The following BCL2 variants were observed in gnomAD, a reference collection of about 807,000 sequenced individuals.
The protein encoded by BCL2 is BCL2 apoptosis regulator.
Under a neutral mutation model 14.2 loss-of-function variants are expected in BCL2, and 1 was observed. The ratio of observed to expected loss-of-function variants is 0.07; its 90% confidence interval spans 0.02 to 0.33. The LOEUF (loss-of-function observed/expected upper bound fraction) is 0.33. Among genes scored for constraint, BCL2 ranks in the 10% least tolerant of loss-of-function variants. The pLI is 0.99. For missense variants in BCL2, 247 were observed against 305.9 expected, an observed-to-expected ratio of 0.81 and a Z score of 1.44; for synonymous variants, 151 against 137.2, an observed-to-expected ratio of 1.10 and a Z score of -0.70.
intron 2 of BCL2, among the ~76,000 whole-genome samples, chr18:63,237,890 G>A (rs568275967): frequency 1.3e-5 from 2 of 151,904 alleles, no homozygotes; most frequent in Non-Finnish European, 2.9e-5. Flanking sequence ...AAGAACCCTT[G>A]GCCGCATTTC....
intron 2 of BCL2, among the ~76,000 whole-genome samples, chr18:63,183,059 A>T (rs1199851752): frequency 6.6e-6 from 1 of 152,212 alleles, no homozygotes; most frequent in Non-Finnish European, 1.5e-5. Flanking sequence ...AAATGAGCAG[A>T]TGCATGTCAC....
chr18:63,319,080 G>A (rs1216089295), intron 1 of BCL2, 94 bp downstream of exon 1: 3 of 1,070,042 alleles, frequency 2.8e-6, no homozygotes, highest in Non-Finnish European at 3.4e-6. Flanking sequence ...AAGCTGCCTG[G>A]AAATTAAATT....
chr18:63,168,053 G>A (rs1481968675), intron 2 of BCL2, among the ~76,000 whole-genome samples: 2 of 151,856 alleles, frequency 1.3e-5, no homozygotes, highest in African/African-American at 4.8e-5. Context: ...AGAGAGTGGG[G>A]CCCTTTCTCT....
rs74169950 is a variant in BCL2, at chr18:63,274,277, C to CTTTTTTTTT, written c.585+43796_585+43804dup. Among the ~76,000 whole-genome samples the CTTTTTTTTT allele has an allele frequency of 3.6e-3, 308 of 86,746 alleles. 19 individuals carry two copies. The highest frequency in any genetic ancestry group is 0.012 in the African/African-American group (279 of 22,976). 56.9% of individuals were successfully genotyped at this position (86,746 alleles called of 152,430 possible). ...GGAGTCAAGCTTTTATAAAGATACT[C>CTTTTTTTTT]TTTTTTTTTTTTTTTTTTTTTTTGA... On this transcript the variant is annotated intron_variant, in intron 2 of 2. Transcript: ENST00000333681.
intron 2 of BCL2, among the ~76,000 whole-genome samples, chr18:63,299,939 G>T (rs1342569899): frequency 6.6e-6 from 1 of 151,644 alleles, no homozygotes; most frequent in Non-Finnish European, 1.5e-5. Context: ...CTGTTTGTGT[G>T]TCTGTTTCCC....
At chr18:63,159,290 G>T (rs1294153270) in intron 2 of BCL2, among the ~76,000 whole-genome samples, 1 of 152,144 alleles carries the variant, frequency 6.6e-6, no homozygotes, top group African/African-American at 2.4e-5. Context: ...CTTGAAAAGG[G>T]GGAAAAAGAG....
At position 63,318,843 on chromosome 18, in the gene BCL2, T is replaced by C; in HGVS notation, c.-177A>G. The C allele has an allele frequency of 7.1e-7, 1 of 1,403,902 alleles. No individual in the cohort carries two copies. Among genetic ancestry groups the C allele is most frequent in the Non-Finnish European group, 9.3e-7 (1 of 1,077,656 alleles). The allele number at this position is 1,403,902 out of a possible 1,614,324, so 87.0% of individuals were successfully genotyped here. A position where few individuals can be genotyped will look rare whatever the true frequency, so the allele number is the denominator to read the frequency against. ...AACACTTGATTCTGGTGTTTCCCCC[T>C]TGGCATGAGATGCAGGAAATTTTTA... is the stretch of plus-strand genomic sequence containing the variant. On this transcript the variant is annotated 5_prime_UTR_variant, in exon 2 of 3. Transcript: ENST00000333681. The surrounding 1 kb of genome is among the most constrained non-coding windows in gnomAD (Gnocchi z 7.4).
chr18:63,315,379 G>A (rs1199238497), intron 2 of BCL2: 2 of 152,102 alleles, frequency 1.3e-5, no homozygotes, highest in Admixed American at 6.5e-5. Flanking sequence ...TATTTAATTT[G>A]TAGTCTTCTG....
In BCL2 at chr18:63,126,511, C is replaced by T. The variant is rs1461717176; in HGVS notation, c.*2114G>A. ...TACCATGAATTAAATGCGGAATTGC[C>T]CAGGGACGAGGAAACCTTCAAGAAA... On this transcript the variant is annotated 3_prime_UTR_variant, in exon 3 of 3. Transcript: ENST00000333681. 4.4e-6 allele frequency: 1 copy of T among 228,582 alleles called. No homozygotes were observed. The highest frequency in any genetic ancestry group is 5.7e-5 in the Admixed American group (1 of 17,580). 14.2% of individuals were successfully genotyped at this position (228,582 alleles called of 1,614,324 possible).
At chr18:63,128,848 C>A in intron 2 of BCL2, 89 bp from the exon 3 acceptor site, 1 of 657,538 alleles carries the variant, frequency 1.5e-6, no homozygotes, top group South Asian at 1.8e-5. Flanking sequence ...GGCATCCTGC[C>A]AGGGCAGCCT....
At chr18:63,167,779 A>C (rs1215567388) in intron 2 of BCL2, among the ~76,000 whole-genome samples, 1 of 152,092 alleles carries the variant, frequency 6.6e-6, no homozygotes. Flanking sequence ...TACAAAAATT[A>C]GCTGGGTGTG....
chr18:63,181,546 A>C (rs1915482032), intron 2 of BCL2, among the ~76,000 whole-genome samples: 1 of 152,224 alleles, frequency 6.6e-6, no homozygotes, highest in African/African-American at 2.4e-5. Context: ...AGCTCTCCTA[A>C]AACAACATTT....
intron 2 of BCL2, among the ~76,000 whole-genome samples, chr18:63,259,133 C>T (rs566808350): frequency 2.0e-5 from 3 of 152,230 alleles, no homozygotes; most frequent in African/African-American, 2.4e-5. Context: ...GTCAGAAGTC[C>T]CATGCCCTTT....
At chr18:63,257,906 T>C (rs1000394792) in intron 2 of BCL2, among the ~76,000 whole-genome samples, 4 of 152,106 alleles carry the variant, frequency 2.6e-5, no homozygotes, top group Non-Finnish European at 4.4e-5. Flanking sequence ...AGGAAGGCAA[T>C]AAACTGAGAA....
chr18:63,216,184 C>T (rs1910197042), intron 2 of BCL2, among the ~76,000 whole-genome samples: 1 of 151,514 alleles, frequency 6.6e-6, no homozygotes, highest in Non-Finnish European at 1.5e-5. Context: ...GATTTTTCTG[C>T]AAAAATTCTA....
At chr18:63,302,340 G>A in intron 2 of BCL2, 1 of 983,924 alleles carries the variant, frequency 1.0e-6, no homozygotes, top group Non-Finnish European at 1.2e-6. Flanking sequence ...GAAAGAGAGA[G>A]AGGAAATAGT....
chr18:63,144,138 T>C (rs1409996688), intron 2 of BCL2, among the ~76,000 whole-genome samples: 11 of 152,368 alleles, frequency 7.2e-5, no homozygotes, highest in Middle Eastern at 3.4e-3. Flanking sequence ...ATGTTTTTCA[T>C]AGTATAATTG....
chr18:63,245,872 T>G lies in BCL2; in HGVS notation c.585+72210A>C, dbSNP rs111778781. On this transcript the variant is annotated intron_variant, in intron 2 of 2. Coordinates refer to ENST00000333681, the MANE Select transcript of BCL2 (RefSeq NM_000633.3). ...AAGTTACTGCCTATAAGGCAGTAGC[T>G]TGCCCAACTTAGCCCGATTGAATTT... 1.7e-3 allele frequency among the ~76,000 whole-genome samples: 258 copies of G among 152,326 alleles called. 2 individuals carry two copies. The highest frequency in any genetic ancestry group is 5.7e-3 in the African/African-American group (238 of 41,572).
Position 63,169,383 on chromosome 18 carries a change from CTTTCTT to C in BCL2, c.586-40630_586-40625del, listed in dbSNP as rs1382111797. 9.5e-3 allele frequency among the ~76,000 whole-genome samples: 1,084 copies of C among 114,380 alleles called. 138 individuals are homozygous for C. The highest frequency in any genetic ancestry group is 0.033 in the African/African-American group (754 of 22,550). The allele number at this position is 114,380 out of a possible 152,430, so 75.0% of individuals were successfully genotyped here. A position where few individuals can be genotyped will look rare whatever the true frequency, so the allele number is the denominator to read the frequency against. On this transcript the variant is annotated intron_variant, in intron 2 of 2. Transcript: ENST00000333681. The stretch of plus-strand genomic sequence containing the variant: ...TTTCTTTCTTTCTCTTTCTTTCTTT[CTTTCTT>C]TTTCTTTCTTTCTTTTTCTTTCTCT...
Sources: gnomAD v4.1 joint callset for allele counts (sites outside exome capture counted in the v4.1 genomes callset) on GRCh38, gnomAD v4.1.1 for gene constraint, Gnocchi (gnomAD v3.1) non-coding constraint, MANE v1.5 for transcripts, NCBI Gene and HGNC (gene_info 2026-07-23, HGNC 2026-07-21) for gene names.